Variants in DZANK1 observed in about 807,000 individuals in gnomAD.
DZANK1 encodes the protein double zinc ribbon and ankyrin repeat-containing protein 1.
DZANK1 carries 91 observed loss-of-function variants against 94.5 expected under a neutral mutation model. That is an observed-to-expected ratio of 0.96 (90% confidence interval 0.81 to 1.15). The LOEUF (loss-of-function observed/expected upper bound fraction) is 1.15. Among genes scored for constraint, DZANK1 ranks in the 50% most tolerant of loss-of-function variants. The pLI, the probability that DZANK1 is intolerant of heterozygous loss-of-function variation, is 0.00. For synonymous variants in DZANK1, 312 were observed against 325.3 expected (o/e 0.96, Z 0.44); for missense variants, 903 against 916.4 (o/e 0.99, Z 0.19).
At chr20:18,405,905 G>C (rs1223853742) in intron 13 of DZANK1, among the ~76,000 whole-genome samples, 2 of 152,194 alleles carry the variant, frequency 1.3e-5, no homozygotes, top group Admixed American at 6.5e-5. Flanking sequence ...ACAGTGACTG[G>C]GGGACTGTAC....
At position 18,390,467 on chromosome 20, in the gene DZANK1, A is replaced by G. The variant is rs767384066; in HGVS notation, c.1810-8T>C. The G allele has an allele frequency of 2.0e-5, 32 of 1,613,428 alleles. No homozygotes were observed. Among genetic ancestry groups the G allele is most frequent in the Admixed American group, 1.3e-4 (8 of 60,002 alleles). ...CAGGAGTCTGTTTTCAGGCTGCAGGATTACAGAATGTGGTCATTTCCCCCA... is the reference window on the plus strand; with the variant it reads ...CAGGAGTCTGTTTTCAGGCTGCAGGGTTACAGAATGTGGTCATTTCCCCCA... On this transcript the variant is annotated splice_polypyrimidine_tract_variant and splice_region_variant and intron_variant, in intron 17 of 20. Transcript: ENST00000262547.
chr20:18,391,113 T>C (rs992559995), intron 17 of DZANK1, among the ~76,000 whole-genome samples: 3 of 152,076 alleles, frequency 2.0e-5, no homozygotes, highest in Non-Finnish European at 2.9e-5. Flanking sequence ...ATCGCTTGAA[T>C]CCAGGAAGCA....
At position 18,414,343 on chromosome 20, in the gene DZANK1, C is replaced by G; in HGVS notation, c.1242+5G>C. On this transcript the variant is annotated splice_donor_5th_base_variant and intron_variant, in intron 12 of 20. Transcript: ENST00000262547. ...TACCAGTTCTTACTACAGGGGAGGC[C>G]TCACCTCAGAAAAAGGGCGAGGTTC... 1 of 1,613,618 alleles carries G rather than the reference C, an allele frequency of 6.2e-7. No individual in the cohort carries two copies. Among genetic ancestry groups the G allele is most frequent in the African/African-American group, 1.3e-5 (1 of 75,018 alleles).
chr20:18,399,299 G>A (rs940156971), intron 13 of DZANK1, among the ~76,000 whole-genome samples: 2 of 151,976 alleles, frequency 1.3e-5, no homozygotes, highest in African/African-American at 4.8e-5. Flanking sequence ...TGTGATCATG[G>A]CTTACCACAG....
In DZANK1 at chr20:18,441,262, GTCCCATT is replaced by G. The variant is rs901412668; in HGVS notation, c.747+2078_747+2084del. 8.5e-5 allele frequency among the ~76,000 whole-genome samples: 13 copies of G among 152,138 alleles called. No homozygotes were observed. The highest frequency in any genetic ancestry group is 4.6e-4 in the Admixed American group (7 of 15,268). ...CCCCCTCATGCTATGGATCACCAGT[GTCCCATT>G]TCCCATTGGCAAGGAGCTCGGCACT... On this transcript the variant is annotated intron_variant, in intron 8 of 20. Coordinates refer to ENST00000262547, the Ensembl canonical transcript of DZANK1. The surrounding 1 kb of genome is among the most constrained non-coding windows in gnomAD (Gnocchi z 4.1).
chr20:18,414,445 A>C (rs1417776177), exon 12 of DZANK1: 1 of 1,613,936 alleles, frequency 6.2e-7, no homozygotes, highest in Non-Finnish European at 8.5e-7. Context: ...GGAGCCACAG[A>C]ATCGGGCAGA....
At position 18,443,341 on chromosome 20, in the gene DZANK1, G is replaced by A. The variant is rs2058770019; in HGVS notation, c.747+6C>T. On this transcript the variant is annotated splice_donor_region_variant and intron_variant, in intron 8 of 20. Transcript: ENST00000262547. The stretch of plus-strand genomic sequence containing the variant: ...GAAAGATGTTTTTAAGAATTCTGCT[G>A]CTCACCTGAGCTCCTTCTGGGGGTG... 1 of 1,510,136 alleles carries A rather than the reference G, an allele frequency of 6.6e-7. No individual in the cohort carries two copies. The highest frequency in any genetic ancestry group is 9.0e-7 in the Non-Finnish European group (1 of 1,109,882). 93.5% of individuals were successfully genotyped at this position (1,510,136 alleles called of 1,614,324 possible).
intron 15 of DZANK1, 51 bp downstream of exon 15, chr20:18,396,421 A>G: frequency 2.1e-6 from 3 of 1,429,900 alleles, no homozygotes; most frequent in South Asian, 1.2e-5. Context: ...AATTGTCTCA[A>G]TTTACTAATC....
intron 13 of DZANK1, among the ~76,000 whole-genome samples, chr20:18,412,247 C>T (rs2057294290): frequency 6.6e-6 from 1 of 152,140 alleles, no homozygotes; most frequent in Non-Finnish European, 1.5e-5. Context: ...AGGCATGAGT[C>T]ACCACAACTG....
intron 6 of DZANK1, 109 bp from the exon 7 acceptor site, chr20:18,449,178 T>C: frequency 1.1e-6 from 1 of 877,968 alleles, no homozygotes; most frequent in Non-Finnish European, 1.8e-6. Context: ...TGAATACACA[T>C]AGACATATAA....
intron 6 of DZANK1, among the ~76,000 whole-genome samples, chr20:18,450,105 T>C (rs377618659): frequency 0.019 from 1,895 of 99,938 alleles, 29 homozygotes; most frequent in South Asian, 0.071. Context: ...AATAAATAAA[T>C]AAATAAACAA....
In DZANK1 at chr20:18,396,481, G is replaced by GA; in HGVS notation, c.1601dup (p.Ser535LeufsTer25). 1 of 1,612,854 alleles carries GA rather than the reference G, an allele frequency of 6.2e-7. No homozygotes were observed. The highest frequency in any genetic ancestry group is 1.7e-4 in the Middle Eastern group (1 of 6,058). ...CTGGAGGCTTACTCACCTTGTTTGA[G>GA]ACTTGACTATAATTCAGTCTGATGC... is the stretch of plus-strand genomic sequence containing the variant. On this transcript the variant is annotated frameshift_variant, in exon 15 of 21. Coordinates refer to ENST00000262547, the Ensembl canonical transcript of DZANK1. LOFTEE classifies it high-confidence loss of function.
intron 17 of DZANK1, among the ~76,000 whole-genome samples, chr20:18,391,226 A>G (rs532976012): frequency 6.6e-6 from 1 of 152,208 alleles, no homozygotes; most frequent in African/African-American, 2.4e-5. Context: ...AGCTCTCAGC[A>G]ATTTCAAGAT....
chr20:18,433,888 A>C, intron 8 of DZANK1, 123 bp from the exon 9 acceptor site: 9 of 797,148 alleles, frequency 1.1e-5, no homozygotes, highest in South Asian at 1.9e-5. Context: ...ATCTGATCTC[A>C]AAACCTAGGC....
At chr20:18,419,449 T>C (rs1852136802) in intron 10 of DZANK1, among the ~76,000 whole-genome samples, 2 of 152,112 alleles carry the variant, frequency 1.3e-5, no homozygotes, top group South Asian at 4.1e-4. Flanking sequence ...AGATTCTAAA[T>C]GAACACCAAC....
At chr20:18,398,764 C>G in intron 13 of DZANK1, 138 bp from the exon 14 acceptor site, 1 of 751,202 alleles carries the variant, frequency 1.3e-6, no homozygotes, top group Non-Finnish European at 2.2e-6. Context: ...TAGTGAACCT[C>G]AACTATGCTC....
chr20:18,465,409 T>TGCACTTACAGCTGG, intron 1 of DZANK1, 32 bp from the exon 2 acceptor site: 4 of 938,916 alleles, frequency 4.3e-6, no homozygotes, highest in South Asian at 2.6e-5. Flanking sequence ...AATTCCAATG[T>TGCACTTACAGCTGG]ACACAAAAGC....
intron 2 of DZANK1, among the ~76,000 whole-genome samples, chr20:18,464,757 C>T (rs2148835000): frequency 6.9e-6 from 1 of 145,276 alleles, no homozygotes; most frequent in Admixed American, 7.2e-5. Context: ...CTCACTGCAA[C>T]CTCCATCACC....
At chr20:18,427,192 T>C in intron 9 of DZANK1, 33 bp from the exon 10 acceptor site, 1 of 1,545,122 alleles carries the variant, frequency 6.5e-7, no homozygotes, top group Non-Finnish European at 8.9e-7. Flanking sequence ...TACATGTTCC[T>C]CTGAGCAAAC....
Sources: allele counts gnomAD v4.1 joint callset (sites outside exome capture counted in the v4.1 genomes callset), GRCh38; gene constraint gnomAD v4.1.1; non-coding constraint Gnocchi (gnomAD v3.1); transcripts MANE v1.5; gene names NCBI Gene and HGNC (gene_info 2026-07-23, HGNC 2026-07-21).